PLSCR1: variants seen among roughly 807,000 people sequenced by gnomAD.
PLSCR1 encodes PL scramblase 1.
In PLSCR1, 17 loss-of-function variants were observed where a neutral mutation model predicts 37.8. The observed-to-expected ratio is 0.45, with a 90% CI of 0.31 to 0.68. The LOEUF is 0.68. PLSCR1 is among the 30% of genes least tolerant of loss of function. The probability of loss-of-function intolerance (pLI) is 0.06; values close to 1 mark genes in which losing one functional copy is unlikely to be tolerated. For synonymous variants in PLSCR1, 116 were observed against 125.9 expected (o/e 0.92, Z 0.53); for missense variants, 347 against 380.9 (o/e 0.91, Z 0.74).
intron 1 of PLSCR1, 198 bp from the exon 2 acceptor site, chr3:146,536,763 T>C: frequency 2.0e-6 from 1 of 492,750 alleles, no homozygotes; most frequent in African/African-American, 1.9e-5. Context: ...AGTAGGAATT[T>C]AGAAATTGTT....
chr3:146,528,315 G>C (rs2044147132), intron 4 of PLSCR1: 1 of 371,430 alleles, frequency 2.7e-6, no homozygotes, highest in South Asian at 2.6e-5. Flanking sequence ...TTTCAATAAG[G>C]ATTAAATGAG....
intron 1 of PLSCR1, among the ~76,000 whole-genome samples, chr3:146,543,527 A>G (rs960686794): frequency 6.6e-6 from 1 of 151,808 alleles, no homozygotes; most frequent in Non-Finnish European, 1.5e-5. Flanking sequence ...TGTAGTAACC[A>G]TGTATCTCAA....
chr3:146,532,429 C>T (rs1217843283), intron 3 of PLSCR1, among the ~76,000 whole-genome samples: 1 of 152,162 alleles, frequency 6.6e-6, no homozygotes, highest in Non-Finnish European at 1.5e-5. Context: ...TGGAATAGTG[C>T]CTTTGCACTA....
chr3:146,521,433 T>G, intron 7 of PLSCR1, 111 bp downstream of exon 7: 2 of 882,812 alleles, frequency 2.3e-6, no homozygotes, highest in Non-Finnish European at 3.6e-6. Flanking sequence ...ATCATCTTGC[T>G]ATTGAGACAT....
intron 3 of PLSCR1, among the ~76,000 whole-genome samples, chr3:146,533,226 T>C (rs2044221693): frequency 6.6e-6 from 1 of 152,238 alleles, no homozygotes; most frequent in Non-Finnish European, 1.5e-5. Flanking sequence ...TTTTACTAGC[T>C]TTCTTTATAC....
chr3:146,526,763 TAAGTG>T (rs2044121996), intron 4 of PLSCR1, among the ~76,000 whole-genome samples: 1 of 152,140 alleles, frequency 6.6e-6, no homozygotes, highest in Admixed American at 6.5e-5. Context: ...GACATTATGT[TAAGTG>T]AAATAAGCCA....
At chr3:146,537,339 C>T (rs1391046943) in intron 1 of PLSCR1, among the ~76,000 whole-genome samples, 1 of 152,114 alleles carries the variant, frequency 6.6e-6, no homozygotes, top group Non-Finnish European at 1.5e-5. Context: ...ATCCCGATGC[C>T]CTTCATCCCT....
chr3:146,516,174 C>T, intron 8 of PLSCR1, 73 bp from the exon 9 acceptor site: 1 of 859,802 alleles, frequency 1.2e-6, no homozygotes, highest in East Asian at 2.5e-5. Context: ...TGCAGAAATA[C>T]TAAGGGATCT....
chr3:146,536,382 A>C (rs1188507419), intron 2 of PLSCR1, among the ~76,000 whole-genome samples, 158 bp downstream of exon 2: 1 of 152,232 alleles, frequency 6.6e-6, no homozygotes. Context: ...TCTTCTCTAT[A>C]GTCAAAATAC....
intron 3 of PLSCR1, 51 bp downstream of exon 3, chr3:146,533,419 T>C (rs746816352): frequency 2.5e-5 from 25 of 985,500 alleles, no homozygotes; most frequent in African/African-American, 1.4e-4. Flanking sequence ...TCACTCTCTC[T>C]CTCTGTCTCT....
chr3:146,527,396 T>G (rs1206209355), intron 4 of PLSCR1, among the ~76,000 whole-genome samples: 1 of 152,232 alleles, frequency 6.6e-6, no homozygotes, highest in Non-Finnish European at 1.5e-5. Context: ...CTAATTATCC[T>G]TATTTTTCAT....
intron 1 of PLSCR1, among the ~76,000 whole-genome samples, chr3:146,539,566 C>T (rs1340217825): frequency 6.6e-6 from 1 of 152,164 alleles, no homozygotes; most frequent in Non-Finnish European, 1.5e-5. Flanking sequence ...ATTTGCCTTT[C>T]ACAAGGTCAG....
chr3:146,524,526 T>A (rs981320179), intron 5 of PLSCR1, among the ~76,000 whole-genome samples: 1 of 151,980 alleles, frequency 6.6e-6, no homozygotes, highest in Non-Finnish European at 1.5e-5. Context: ...TTAACACATA[T>A]TTAACAAATA....
In PLSCR1 at chr3:146,533,502, TA is replaced by T. The variant is rs2044226864; in HGVS notation, c.61del (p.Tyr21IlefsTer73). 4 of 1,607,380 alleles carry T rather than the reference TA, an allele frequency of 2.5e-6. No homozygotes were observed. The highest frequency in any genetic ancestry group is 3.4e-6 in the Non-Finnish European group (4 of 1,175,182). ...TGCTGTCGGTGGATACTGAGGAGGA[TA>T]CCCAACTGGCAAGTTTGTTTCCGGG... ...SHPETNLPVG[Y>X]PPQYPPTAFQ... On this transcript the variant is annotated frameshift_variant, in exon 3 of 9. Transcript: ENST00000342435. LOFTEE classifies it high-confidence loss of function.
In PLSCR1 at chr3:146,528,815, A is replaced by G; in HGVS notation, c.111T>C (p.Ser37=). ...PTAFQGPPGY[S]GYPGPQVSYP... ...AGCTGACCTGGGGCCCAGGGTAGCC[A>G]CTATATCCTGGAGGTCCTGAAATAC... Residue 37 remains serine (S), a synonymous_variant, in exon 4 of 9, where the codon AGT becomes AGC. Transcript: ENST00000342435. 6.2e-7 allele frequency: 1 copy of G among 1,613,656 alleles called. No homozygotes were observed. Among genetic ancestry groups the G allele is most frequent in the Non-Finnish European group, 8.5e-7 (1 of 1,179,730 alleles).
chr3:146,540,418 AG>A (rs1224530034), intron 1 of PLSCR1, among the ~76,000 whole-genome samples: 1 of 152,206 alleles, frequency 6.6e-6, no homozygotes, highest in African/African-American at 2.4e-5. Flanking sequence ...GACACAGCAC[AG>A]GGGATTTCCA....
At position 146,525,660 on chromosome 3, in the gene PLSCR1, A is replaced by C; in HGVS notation, c.313-13T>G. 1 of 1,395,220 alleles carries C rather than the reference A, an allele frequency of 7.2e-7. No individual in the cohort carries two copies. The allele number at this position is 1,395,220 out of a possible 1,614,324, so 86.4% of individuals were successfully genotyped here. A position where few individuals can be genotyped will look rare whatever the true frequency, so the allele number is the denominator to read the frequency against. On this transcript the variant is annotated splice_polypyrimidine_tract_variant and intron_variant, in intron 4 of 8. Coordinates refer to ENST00000342435, the MANE Select transcript of PLSCR1 (RefSeq NM_021105.3). ...GTATCTGATCTATCTATAGCAGGAA[A>C]AAAAATAAGTGGTATGTATATGTCA... is the stretch of plus-strand genomic sequence containing the variant.
At chr3:146,524,475 A>G (rs1256712340) in intron 5 of PLSCR1, among the ~76,000 whole-genome samples, 2 of 152,012 alleles carry the variant, frequency 1.3e-5, no homozygotes, top group Non-Finnish European at 2.9e-5. Context: ...AAAAATAAGC[A>G]TAATTAAAAA....
In PLSCR1 at chr3:146,522,070, C is replaced by T. The variant is rs375324462; in HGVS notation, c.356-17G>A. On this transcript the variant is annotated splice_polypyrimidine_tract_variant and intron_variant, in intron 5 of 8. Transcript: ENST00000342435. ...CTGTTAAAACTAAAAACATAAAAGA[C>T]GAAATCATAATCACCTCTATGTTAA... The T allele has an allele frequency of 6.8e-5, 91 of 1,331,626 alleles. 1 individual carries two copies. The highest frequency in any genetic ancestry group is 4.9e-4 in the South Asian group (42 of 85,370). 82.5% of individuals were successfully genotyped at this position (1,331,626 alleles called of 1,614,324 possible).
Sources: gnomAD v4.1 joint callset for allele counts (sites outside exome capture counted in the v4.1 genomes callset) on GRCh38, gnomAD v4.1.1 for gene constraint, MANE v1.5 for transcripts, NCBI Gene and HGNC (gene_info 2026-07-23, HGNC 2026-07-21) for gene names.